The following ABCB1 variants were observed in gnomAD, a reference collection of about 807,000 sequenced individuals.
ABCB1 encodes ATP-dependent translocase ABCB1.
In ABCB1, 69 loss-of-function variants were observed where a neutral mutation model predicts 142.0. The observed-to-expected ratio is 0.49, with a 90% CI of 0.40 to 0.59. The LOEUF is 0.59. Among genes scored for constraint, ABCB1 ranks in the 20% least tolerant of loss-of-function variants. The pLI is 0.00. For synonymous variants in ABCB1, 532 were observed against 539.2 expected, an observed-to-expected ratio of 0.99 and a Z score of 0.18; for missense variants, 1,326 against 1,554.7, an observed-to-expected ratio of 0.85 and a Z score of 2.47.
At chr7:87,630,814 G>A (rs1821140545) in intron 1 of ABCB1, among the ~76,000 whole-genome samples, 1 of 151,520 alleles carries the variant, frequency 6.6e-6, no homozygotes, top group African/African-American at 2.4e-5. Flanking sequence ...GCTGGCTTTA[G>A]GTCATGTAAT....
intron 1 of ABCB1, among the ~76,000 whole-genome samples, chr7:87,659,726 T>C (rs1824501055): frequency 6.6e-6 from 1 of 152,186 alleles, no homozygotes; most frequent in African/African-American, 2.4e-5. Context: ...TACTGCTGTG[T>C]CATTCTCTGG....
At chr7:87,520,658 A>C (rs752628928) in intron 22 of ABCB1, 118 bp downstream of exon 22, 2 of 856,196 alleles carry the variant, frequency 2.3e-6, no homozygotes, top group East Asian at 5.0e-5. Context: ...TCAATGGTTT[A>C]CCTTCGAGCA....
At chr7:87,687,752 T>C (rs549115771) in intron 1 of ABCB1, among the ~76,000 whole-genome samples, 1 of 152,176 alleles carries the variant, frequency 6.6e-6, no homozygotes, top group Non-Finnish European at 1.5e-5. Context: ...CTAATCCAAT[T>C]GAACTGTTAT....
intron 1 of ABCB1, among the ~76,000 whole-genome samples, chr7:87,664,324 A>G (rs978322632): frequency 6.6e-6 from 1 of 152,080 alleles, no homozygotes. Context: ...GCAACACAGC[A>G]AGATACCATC....
intron 25 of ABCB1, among the ~76,000 whole-genome samples, chr7:87,510,859 G>A (rs28401802): frequency 0.027 from 4,114 of 152,232 alleles, 160 homozygotes; most frequent in African/African-American, 0.091. Flanking sequence ...GAAAGTAGAG[G>A]GTGGAGAGAG....
intron 1 of ABCB1, among the ~76,000 whole-genome samples, chr7:87,625,777 G>A (rs923662260): frequency 6.6e-6 from 1 of 152,132 alleles, no homozygotes; most frequent in Non-Finnish European, 1.5e-5. Flanking sequence ...GAGCAGACAC[G>A]TAATGTTCTG....
chr7:87,519,065 G>A (rs990876800), intron 23 of ABCB1: 7 of 519,812 alleles, frequency 1.3e-5, no homozygotes, highest in South Asian at 2.3e-5. Flanking sequence ...CAAAATCTCC[G>A]AATGGAATCA....
At chr7:87,510,178 T>A (rs1246970388) in intron 25 of ABCB1, among the ~76,000 whole-genome samples, 1 of 152,236 alleles carries the variant, frequency 6.6e-6, no homozygotes, top group East Asian at 1.9e-4. Flanking sequence ...ATACAACGCC[T>A]AATACTTCTG....
intron 1 of ABCB1, among the ~76,000 whole-genome samples, chr7:87,690,722 A>ATCAT (rs1463009171): frequency 1.3e-4 from 20 of 152,284 alleles, no homozygotes; most frequent in African/African-American, 4.8e-4. Flanking sequence ...CAGTATTAGT[A>ATCAT]ATAGAATATG....
At chr7:87,554,981 C>G (rs973256943) in intron 8 of ABCB1, among the ~76,000 whole-genome samples, 1 of 152,152 alleles carries the variant, frequency 6.6e-6, no homozygotes, top group African/African-American at 2.4e-5. Flanking sequence ...TTCTGCAGTT[C>G]TAATGACTTA....
At chr7:87,703,656 T>C (rs182696633) in intron 1 of ABCB1, among the ~76,000 whole-genome samples, 50 of 151,990 alleles carry the variant, frequency 3.3e-4, no homozygotes, top group Middle Eastern at 3.4e-3. Flanking sequence ...GTAAATTAAT[T>C]ATAGATTTTC....
At chr7:87,584,554 G>T (rs1053815947) in intron 4 of ABCB1, among the ~76,000 whole-genome samples, 1 of 152,052 alleles carries the variant, frequency 6.6e-6, no homozygotes, top group Non-Finnish European at 1.5e-5. Flanking sequence ...GAGAGAGAGA[G>T]GGAGAGAGAG....
intron 17 of ABCB1, 148 bp downstream of exon 17, chr7:87,543,981 C>T (rs1292254496): frequency 1.2e-5 from 11 of 949,970 alleles, no homozygotes; most frequent in Non-Finnish European, 1.6e-5. Context: ...AACCAGACTG[C>T]TATTCTTACA....
chr7:87,543,548 A>C (rs995390045), intron 17 of ABCB1, among the ~76,000 whole-genome samples: 6 of 152,188 alleles, frequency 3.9e-5, no homozygotes, highest in African/African-American at 7.2e-5. Context: ...ATGTCACTAA[A>C]CAGAGAGCAT....
upstream of ABCB1, chr7:87,603,114 C>G (rs1039007595): frequency 1.3e-5 from 2 of 152,200 alleles, no homozygotes; most frequent in African/African-American, 4.8e-5. Flanking sequence ...AGATTTGCCT[C>G]TCTGCTGCAG....
intron 21 of ABCB1, among the ~76,000 whole-genome samples, chr7:87,522,729 A>G (rs4148742): frequency 0.14 from 21,031 of 152,018 alleles, 1,588 homozygotes; most frequent in African/African-American, 0.2. Flanking sequence ...GTCTGATCAT[A>G]ATGCTGAATA....
intron 15 of ABCB1, among the ~76,000 whole-genome samples, chr7:87,545,529 T>C (rs1816738652): frequency 6.6e-6 from 1 of 152,228 alleles, no homozygotes. Flanking sequence ...TTTTTTGTAC[T>C]AAGTCTTCAG....
chr7:87,520,387 A>G (rs1223842323), intron 22 of ABCB1, among the ~76,000 whole-genome samples: 2 of 152,176 alleles, frequency 1.3e-5, no homozygotes, highest in Non-Finnish European at 2.9e-5. Context: ...AGGGGTAAAA[A>G]GCAGAAAGAC....
At chr7:87,543,916 T>C (rs957509048) in intron 17 of ABCB1, among the ~76,000 whole-genome samples, 18 of 152,226 alleles carry the variant, frequency 1.2e-4, no homozygotes, top group African/African-American at 3.9e-4. Flanking sequence ...TTGCCCAGGT[T>C]AGAAACCAAC....
Sources: allele counts gnomAD v4.1 joint callset (sites outside exome capture counted in the v4.1 genomes callset), GRCh38; gene constraint gnomAD v4.1.1; transcripts MANE v1.5; gene names NCBI Gene and HGNC (gene_info 2026-07-23, HGNC 2026-07-21).